Variants in PP2D1 observed in about 807,000 individuals in gnomAD.
The protein encoded by PP2D1 is protein phosphatase 2C-like domain-containing protein 1.
A neutral mutation model predicts 30.2 loss-of-function variants in PP2D1; 25 were observed. That is an observed-to-expected ratio of 0.83 (90% CI 0.60 to 1.16). PP2D1 has a LOEUF of 1.16. Ranked by LOEUF, PP2D1 falls within the 50% of genes most tolerant of loss-of-function variation. PP2D1 has a pLI of 0.00. For synonymous variants in PP2D1, 260 were observed against 258.9 expected, an observed-to-expected ratio of 1.00 and a Z score of -0.04; for missense variants, 760 against 742.4, an observed-to-expected ratio of 1.02 and a Z score of -0.28.
chr3:19,986,561 T>G (rs1480513781), intron 2 of PP2D1, among the ~76,000 whole-genome samples: 1 of 152,240 alleles, frequency 6.6e-6, no homozygotes, highest in Non-Finnish European at 1.5e-5. Flanking sequence ...TTTTAAATGT[T>G]TTTAAGATAA....
At position 20,002,093 on chromosome 3, in the gene PP2D1, C is replaced by G; in HGVS notation, c.27G>C (p.Val9=). The stretch of plus-strand genomic sequence containing the variant: ...TATTCCATTCTCTTGATTTCCAAAA[C>G]ACTCTGCAAACAGGATGAAAGATAT... MSTNNALR[V]FWKSREWNMK... The change falls in exon 2 of 3, where the codon GTG becomes GTC. Residue 9 remains valine (V), a synonymous_variant. Transcript: ENST00000389050. 1 of 1,523,536 alleles carries G rather than the reference C, an allele frequency of 6.6e-7. No homozygotes were observed. The highest frequency in any genetic ancestry group is 8.8e-7 in the Non-Finnish European group (1 of 1,136,318). The allele number at this position is 1,523,536 out of a possible 1,614,324, so 94.4% of individuals were successfully genotyped here.
intron 1 of PP2D1, among the ~76,000 whole-genome samples, chr3:20,004,402 T>C (rs1405131461): frequency 6.6e-6 from 1 of 152,184 alleles, no homozygotes; most frequent in Non-Finnish European, 1.5e-5. Context: ...AGTATCCCCA[T>C]CGTTAAATGA....
Position 20,003,060 on chromosome 3 carries a change from GA to G in PP2D1, c.24-965del, listed in dbSNP as rs1015841019. On this transcript the variant is annotated intron_variant, in intron 1 of 2. Transcript: ENST00000389050. ...ACAGAGCAAGACTCCATCTCAAAAA[GA>G]AAAAAAAAAAGTATAGCAAATACAA... Among the ~76,000 whole-genome samples, 174 of 135,080 alleles carry G rather than the reference GA, an allele frequency of 1.3e-3. No homozygotes were observed. In the East Asian group the frequency reaches 0.021, roughly 16 times the overall value. The allele number at this position is 135,080 out of a possible 152,430, so 88.6% of individuals were successfully genotyped here. A position where few individuals can be genotyped will look rare whatever the true frequency, so the allele number is the denominator to read the frequency against.
At chr3:20,012,026 C>CA in intron 1 of PP2D1, 24 bp downstream of exon 1, 1 of 1,515,522 alleles carries the variant, frequency 6.6e-7, no homozygotes, top group Non-Finnish European at 8.8e-7. Flanking sequence ...ACGTATTATC[C>CA]AAAAAAGATT....
At chr3:19,983,742 A>G (rs79708928), downstream of PP2D1, 2,279 of 1,612,280 alleles carry the variant, frequency 1.4e-3, 29 homozygotes, top group African/African-American at 0.022. Flanking sequence ...CACAAAATCC[A>G]GGAGCAAATT....
At chr3:19,981,905 G>A (rs1696935917), downstream of PP2D1, among the ~76,000 whole-genome samples, 3 of 152,084 alleles carry the variant, frequency 2.0e-5, no homozygotes, top group Admixed American at 2.0e-4. Context: ...TCTGGATTAG[G>A]TACAGCTACT....
intron 2 of PP2D1, among the ~76,000 whole-genome samples, chr3:19,986,406 G>A (rs1432578385): frequency 6.6e-6 from 1 of 152,100 alleles, no homozygotes; most frequent in African/African-American, 2.4e-5. Flanking sequence ...AGCTTTTAGT[G>A]TTTAAAACTA....
At chr3:19,995,592 C>T (rs1697170195) in intron 2 of PP2D1, among the ~76,000 whole-genome samples, 1 of 152,294 alleles carries the variant, frequency 6.6e-6, no homozygotes, top group African/African-American at 2.4e-5. Flanking sequence ...GAAACTAGTA[C>T]ACCAGGCATG....
rs1002657256 is a variant in PP2D1, at chr3:20,005,070, C to A, written c.24-2974G>T. Among the ~76,000 whole-genome samples the A allele has an allele frequency of 4.9e-4, 74 of 152,048 alleles. 1 individual carries two copies. The highest frequency in any genetic ancestry group is 1.8e-4 in the Non-Finnish European group (12 of 68,012). On this transcript the variant is annotated intron_variant, in intron 1 of 2. Transcript: ENST00000389050. The stretch of plus-strand genomic sequence containing the variant: ...AAGCTGCAGTGAGCCATGATTGCAC[C>A]ACGACACTCCAGCGTGGGCTACAGA...
chr3:20,007,768 CAA>C (rs771502856), intron 1 of PP2D1: 1,635 of 76,156 alleles, frequency 0.021, 31 homozygotes, highest in African/African-American at 0.066. Flanking sequence ...AAATCCGTCT[CAA>C]AAAAAAAAAA....
chr3:19,989,831 G>A (rs1490509038), intron 2 of PP2D1, among the ~76,000 whole-genome samples: 1 of 152,202 alleles, frequency 6.6e-6, no homozygotes, highest in East Asian at 1.9e-4. Flanking sequence ...TCATTTGCAT[G>A]TGGCAAGTCA....
Position 20,001,506 on chromosome 3 carries a change from C to T in PP2D1, c.614G>A (p.Gly205Asp), listed in dbSNP as rs1486156518. The T allele has an allele frequency of 2.0e-6, 3 of 1,534,746 alleles. No individual in the cohort carries two copies. Among genetic ancestry groups the T allele is most frequent in the South Asian group, 2.4e-5 (2 of 83,872 alleles). Reference protein sequence around the residue: ...FGNKPNVCFFGLFDGHHGASA... With the variant: ...FGNKPNVCFFDLFDGHHGASA... Reference sequence around the variant, plus strand: ...GGCACCGTGATGTCCATCAAACAAACCAAAAAAACACACATTAGGTTTGTT... The same window carrying T: ...GGCACCGTGATGTCCATCAAACAAATCAAAAAAACACACATTAGGTTTGTT... Residue 205 changes from glycine (G) to aspartate (D), a missense_variant, in exon 2 of 3, where the codon GGT (glycine) becomes GAT (aspartate). Gly to Asp is a moderately conservative substitution (Grantham distance 94). Around this residue, in one of 3 missense-constraint regions of PP2D1, gnomAD observed 374 missense variants for 388.8 expected, o/e 0.96. Coordinates refer to ENST00000389050, the MANE Select transcript of PP2D1 (RefSeq NM_001252657.2).
At chr3:20,009,952 C>A (rs576657238) in intron 1 of PP2D1, among the ~76,000 whole-genome samples, 2 of 152,048 alleles carry the variant, frequency 1.3e-5, no homozygotes, top group East Asian at 1.9e-4. Context: ...CCCTCACCAA[C>A]GATTTTTTTT....
chr3:19,984,173 G>GAA (rs34961993), downstream of PP2D1: 2,597 of 384,428 alleles, frequency 6.8e-3, 5 homozygotes, highest in African/African-American at 0.017. Flanking sequence ...AGTCACCTGT[G>GAA]AAAAAAAAAT....
intron 1 of PP2D1, among the ~76,000 whole-genome samples, chr3:20,009,086 C>G (rs572114200): frequency 6.6e-6 from 1 of 152,288 alleles, no homozygotes; most frequent in Admixed American, 6.5e-5. Flanking sequence ...TATTTGAGAA[C>G]TGTGTAATGC....
At chr3:20,005,875 T>C (rs1406175298) in intron 1 of PP2D1, among the ~76,000 whole-genome samples, 2 of 152,176 alleles carry the variant, frequency 1.3e-5, no homozygotes, top group African/African-American at 2.4e-5. Flanking sequence ...ATCAAGCCAT[T>C]GTACTCCAGC....
At chr3:19,983,593 G>A (rs1364780136), downstream of PP2D1, 2 of 713,666 alleles carry the variant, frequency 2.8e-6, no homozygotes, top group African/African-American at 1.8e-5. Context: ...TGAACATATG[G>A]TTATATGATA....
downstream of PP2D1, among the ~76,000 whole-genome samples, chr3:19,982,420 A>C (rs1241643858): frequency 6.6e-6 from 1 of 152,194 alleles, no homozygotes; most frequent in Non-Finnish European, 1.5e-5. Flanking sequence ...GCAGGCATCT[A>C]ACTTGGGTGT....
rs1346477452 is a variant in PP2D1 at position 20,001,438 on chromosome 3, GA to G, written c.681del (p.Leu228SerfsTer13). On this transcript the variant is annotated frameshift_variant, in exon 2 of 3. Transcript: ENST00000389050. LOFTEE classifies it high-confidence loss of function. ...ELTSMELPVL[L>X]LHQLSKFDPS... ...GGATCAAATTTGGAAAGCTGATGGAGAAGTAAAACTGGGAGTTCCATTGATG... is the reference window on the plus strand; with the variant it reads ...GGATCAAATTTGGAAAGCTGATGGAGAGTAAAACTGGGAGTTCCATTGATG... The G allele has an allele frequency of 6.5e-7, 1 of 1,536,474 alleles. No individual in the cohort carries two copies. Among genetic ancestry groups the G allele is most frequent in the African/African-American group, 1.4e-5 (1 of 73,058 alleles).
Sources: gnomAD v4.1 joint callset for allele counts (sites outside exome capture counted in the v4.1 genomes callset) on GRCh38, gnomAD v4.1.1 for gene constraint, gnomAD v4.1.1 regional missense constraint, MANE v1.5 for transcripts, NCBI Gene and HGNC (gene_info 2026-07-23, HGNC 2026-07-21) for gene names.